The following HIVEP2 variants were observed in gnomAD, a reference collection of about 807,000 sequenced individuals.
HIVEP2 encodes the protein HIVEP zinc finger 2.
HIVEP2 carries 14 observed loss-of-function variants against 180.7 expected under a neutral mutation model. The ratio of observed to expected loss-of-function variants is 0.08; its 90% CI spans 0.05 to 0.12. The LOEUF (loss-of-function observed/expected upper bound fraction) is 0.12, where lower values mean the gene tolerates loss of function less well. Ranked by LOEUF, HIVEP2 falls within the 10% of genes least tolerant of loss-of-function variation. The pLI, the probability that HIVEP2 is intolerant of heterozygous loss-of-function variation, is 1.00. For missense variants in HIVEP2, 2,579 were observed against 3,008.5 expected (o/e 0.86, Z 3.34); for synonymous variants, 1,184 against 1,136.4 (o/e 1.04, Z -0.84).
intron 6 of HIVEP2, 88 bp from the exon 7 acceptor site, chr6:142,765,062 AG>A (rs763723664): frequency 4.1e-6 from 5 of 1,221,950 alleles, no homozygotes; most frequent in Non-Finnish European, 5.6e-6. Flanking sequence ...TGCACGGCAA[AG>A]TTTTATGAGG....
Position 142,753,363 on chromosome 6 carries a change from A to AG in HIVEP2, c.7084dup (p.Leu2362ProfsTer7), listed in dbSNP as rs765392163. 8 of 1,613,924 alleles carry AG rather than the reference A, an allele frequency of 5.0e-6. No homozygotes were observed. The African/African-American group carries it at 9.3e-5, about 19-fold the overall frequency. On this transcript the variant is annotated frameshift_variant, in exon 10 of 10. Coordinates refer to ENST00000367603, the MANE Select transcript of HIVEP2 (RefSeq NM_006734.4). LOFTEE classifies it high-confidence loss of function. Reference sequence around the variant, plus strand: ...TCTAATGCTAACATGTGCACTTCCCAGGGGGTTCTGGTGGGGCTCCTGCAC... The same window carrying AG: ...TCTAATGCTAACATGTGCACTTCCCAGGGGGGTTCTGGTGGGGCTCCTGCAC...
chr6:142,804,174 C>G (rs543096006), intron 2 of HIVEP2, among the ~76,000 whole-genome samples: 5 of 152,232 alleles, frequency 3.3e-5, no homozygotes, highest in Admixed American at 6.5e-5. Context: ...AACAATCACA[C>G]CTTAGTGATG....
intron 1 of HIVEP2, among the ~76,000 whole-genome samples, chr6:142,916,772 C>A (rs1339282768): frequency 6.6e-6 from 1 of 152,188 alleles, no homozygotes; most frequent in Non-Finnish European, 1.5e-5. Context: ...GACTGAAACT[C>A]TTTGTTCCTG....
chr6:142,752,495 C>G lies in HIVEP2; in HGVS notation c.*612G>C, dbSNP rs898149102. 1.3e-5 allele frequency: 2 copies of G among 152,722 alleles called. No individual in the cohort carries two copies. The highest frequency in any genetic ancestry group is 2.9e-5 in the Non-Finnish European group (2 of 68,170). 9.5% of individuals were successfully genotyped at this position (152,722 alleles called of 1,614,324 possible). On this transcript the variant is annotated 3_prime_UTR_variant, in exon 10 of 10. Coordinates refer to ENST00000367603, the MANE Select transcript of HIVEP2 (RefSeq NM_006734.4). ...ATGCATAAGTGCAGAATAAGATACT[C>G]TAGTTTAAATATCTTGTTTACAATG...
At chr6:142,785,355 A>G (rs1159247878) in intron 2 of HIVEP2, among the ~76,000 whole-genome samples, 2 of 142,738 alleles carry the variant, frequency 1.4e-5, no homozygotes, top group African/African-American at 2.5e-5. Flanking sequence ...AAGAAGAAGA[A>G]GAAATCACTG....
rs1308071071 is a variant in HIVEP2 at position 142,793,625 on chromosome 6, T to TTTCTTTCC, written c.-527-10011_-527-10010insGGAAAGAA. On this transcript the variant is annotated intron_variant, in intron 2 of 9. Transcript: ENST00000367603. ...CTCCCACCTCCCATCCTTCCTTCTC[T>TTTCTTTCC]TTCTTTCTTTCTTTCTTTCTTTCTT... Among the ~76,000 whole-genome samples the TTTCTTTCC allele has an allele frequency of 3.0e-3, 45 of 14,874 alleles. No homozygotes were observed. The East Asian group carries it at 0.13, about 42-fold the overall frequency. 9.8% of individuals were successfully genotyped at this position (14,874 alleles called of 152,430 possible).
intron 4 of HIVEP2, among the ~76,000 whole-genome samples, chr6:142,775,852 T>C (rs1224006482): frequency 6.6e-6 from 1 of 150,710 alleles, no homozygotes; most frequent in Non-Finnish European, 1.5e-5. Context: ...ACCATATATA[T>C]AGTTACATAT....
At chr6:142,864,852 A>C (rs1776095221) in intron 1 of HIVEP2, among the ~76,000 whole-genome samples, 1 of 152,178 alleles carries the variant, frequency 6.6e-6, no homozygotes, top group South Asian at 2.1e-4. Context: ...GTAAGAATTC[A>C]TATAGCCAAC....
chr6:142,816,971 C>T (rs1366555016), intron 2 of HIVEP2, among the ~76,000 whole-genome samples: 1 of 151,980 alleles, frequency 6.6e-6, no homozygotes, highest in Non-Finnish European at 1.5e-5. Context: ...TGAAGAATGA[C>T]AGCTCCTTGA....
chr6:142,855,897 CACTT>C (rs762170435), intron 1 of HIVEP2, among the ~76,000 whole-genome samples: 26,944 of 152,074 alleles, frequency 0.18, 2,577 homozygotes, highest in South Asian at 0.22. Flanking sequence ...AGTATTCTTT[CACTT>C]ATTTCTTATT....
intron 1 of HIVEP2, among the ~76,000 whole-genome samples, chr6:142,923,856 A>G (rs780287522): frequency 2.6e-5 from 4 of 152,228 alleles, no homozygotes; most frequent in Non-Finnish European, 4.4e-5. Context: ...GCTCAAATGT[A>G]GCATCAAAGA....
At chr6:142,900,398 TCAC>T (rs1777105956) in intron 1 of HIVEP2, among the ~76,000 whole-genome samples, 1 of 152,136 alleles carries the variant, frequency 6.6e-6, no homozygotes, top group Non-Finnish European at 1.5e-5. Context: ...CCACGCCACC[TCAC>T]CACCCTGGGC....
intron 3 of HIVEP2, among the ~76,000 whole-genome samples, chr6:142,778,056 C>T (rs1775751928): frequency 6.6e-6 from 1 of 152,160 alleles, no homozygotes; most frequent in Non-Finnish European, 1.5e-5. Flanking sequence ...GACATCTGTA[C>T]TCAAAGATTC....
chr6:142,815,044 C>T (rs919829045), intron 2 of HIVEP2, among the ~76,000 whole-genome samples: 21 of 152,008 alleles, frequency 1.4e-4, no homozygotes, highest in Admixed American at 3.3e-4. Flanking sequence ...GACAAGAGAC[C>T]GCACAAGAGA....
At chr6:142,853,526 A>C (rs975966857) in intron 1 of HIVEP2, among the ~76,000 whole-genome samples, 3 of 152,234 alleles carry the variant, frequency 2.0e-5, no homozygotes, top group African/African-American at 7.2e-5. Context: ...CACCCTTCAA[A>C]AGCCTGTATA....
At chr6:142,873,996 T>C (rs776902872) in intron 1 of HIVEP2, among the ~76,000 whole-genome samples, 2 of 152,116 alleles carry the variant, frequency 1.3e-5, no homozygotes, top group African/African-American at 2.4e-5. Flanking sequence ...CATACTTAAA[T>C]TGACCCACTG....
At chr6:142,922,868 G>C (rs983888858) in intron 1 of HIVEP2, among the ~76,000 whole-genome samples, 2 of 152,112 alleles carry the variant, frequency 1.3e-5, no homozygotes, top group African/African-American at 4.8e-5. Flanking sequence ...TTGCAGGTAT[G>C]AGCATGTAAA....
At chr6:142,791,006 C>A (rs972079127) in intron 2 of HIVEP2, among the ~76,000 whole-genome samples, 3 of 152,166 alleles carry the variant, frequency 2.0e-5, no homozygotes, top group Admixed American at 6.5e-5. Flanking sequence ...TATCATATAA[C>A]CTAATCAGAC....
At chr6:142,922,253 T>C (rs915081792) in intron 1 of HIVEP2, among the ~76,000 whole-genome samples, 1 of 152,176 alleles carries the variant, frequency 6.6e-6, no homozygotes, top group Non-Finnish European at 1.5e-5. Context: ...GAATGTTCCA[T>C]TTCACCTCTT....
Sources: gnomAD v4.1 joint callset for allele counts (sites outside exome capture counted in the v4.1 genomes callset) on GRCh38, gnomAD v4.1.1 for gene constraint, MANE v1.5 for transcripts, NCBI Gene and HGNC (gene_info 2026-07-23, HGNC 2026-07-21) for gene names.